The following ZNF525 variants were observed in gnomAD, a reference collection of about 807,000 sequenced individuals.
The protein encoded by ZNF525 is zinc finger protein 525.
In ZNF525, 33 loss-of-function variants were observed where a neutral mutation model predicts 37.6. That is an observed-to-expected ratio of 0.88 (90% CI 0.67 to 1.17). ZNF525 has a LOEUF of 1.17. ZNF525 is among the 50% of genes most tolerant of loss of function. The probability of loss-of-function intolerance (pLI) is 0.00; values close to 1 mark genes in which losing one functional copy is unlikely to be tolerated. For synonymous variants in ZNF525, 170 were observed against 182.3 expected, an observed-to-expected ratio of 0.93 and a Z score of 0.54; for missense variants, 449 against 543.1, an observed-to-expected ratio of 0.83 and a Z score of 1.72.
chr19:53,377,494 C>T (rs962728739), intron 3 of ZNF525, among the ~76,000 whole-genome samples: 2 of 151,830 alleles, frequency 1.3e-5, no homozygotes, highest in South Asian at 4.2e-4. Flanking sequence ...TTTTTATTTA[C>T]CTTTACTGGA....
Position 53,386,529 on chromosome 19 carries a change from T to C in ZNF525, c.*4510T>C, listed in dbSNP as rs1204495849. The C allele has an allele frequency of 5.6e-6, 3 of 536,378 alleles. No homozygotes were observed. Among genetic ancestry groups the C allele is most frequent in the East Asian group, 6.9e-5 (2 of 29,148 alleles). 33.2% of individuals were successfully genotyped at this position (536,378 alleles called of 1,614,324 possible). A position where few individuals can be genotyped will look rare whatever the true frequency, so the allele number is the denominator to read the frequency against. ...ATATGTTTTTTCTCTGTAAATTTGT[T>C]ATAAACGCATTGGTTGGCTGTGTTC... is the stretch of plus-strand genomic sequence containing the variant. On this transcript the variant is annotated 3_prime_UTR_variant, in exon 4 of 4. Transcript: ENST00000474037.
intron 1 of ZNF525, among the ~76,000 whole-genome samples, chr19:53,366,523 CA>C (rs2085446103): frequency 7.7e-6 from 1 of 130,140 alleles, no homozygotes; most frequent in Non-Finnish European, 1.6e-5. Flanking sequence ...AGGGATTTGC[CA>C]AGAGACAGCA....
intron 1 of ZNF525, among the ~76,000 whole-genome samples, chr19:53,369,115 G>C (rs1297834187): frequency 1.3e-5 from 2 of 152,150 alleles, no homozygotes; most frequent in African/African-American, 4.8e-5. Flanking sequence ...CCTTGGTTTG[G>C]TTTAAAAGGG....
intron 1 of ZNF525, among the ~76,000 whole-genome samples, chr19:53,370,510 G>A (rs1294688190): frequency 1.3e-5 from 2 of 151,822 alleles, no homozygotes; most frequent in African/African-American, 2.4e-5. Context: ...AGCCCAGTGA[G>A]CCTCCCTGCA....
rs931029029 is a variant in ZNF525 at position 53,381,303 on chromosome 19, C to T, written c.724C>T (p.Gln242Ter). The change falls in exon 4 of 4, where the codon CAA becomes TAA. Residue 242 changes from glutamine (Q) to a stop codon, truncating the protein, a stop_gained. Coordinates refer to ENST00000474037, the MANE Select transcript of ZNF525 (RefSeq NM_001348156.2). LOFTEE classifies it high-confidence loss of function. ...TCAGATTATTCATCTAGGAGAGAAA[C>T]AATATAAATGTGATGTATGTGACAA... ...KHQIIHLGEK[Q>*]YKCDVCDKVF... 6.8e-7 allele frequency: 1 copy of T among 1,479,066 alleles called. No individual in the cohort carries two copies. The highest frequency in any genetic ancestry group is 9.5e-7 in the Non-Finnish European group (1 of 1,056,998). The allele number at this position is 1,479,066 out of a possible 1,614,324, so 91.6% of individuals were successfully genotyped here. A position where few individuals can be genotyped will look rare whatever the true frequency, so the allele number is the denominator to read the frequency against.
At chr19:53,368,041 T>G (rs897130081) in intron 1 of ZNF525, among the ~76,000 whole-genome samples, 1 of 145,960 alleles carries the variant, frequency 6.9e-6, no homozygotes, top group Non-Finnish European at 1.5e-5. Flanking sequence ...TGTCTATATC[T>G]CTTTTGTTTT....
chr19:53,371,862 T>A (rs773039380), intron 1 of ZNF525, among the ~76,000 whole-genome samples: 3 of 152,154 alleles, frequency 2.0e-5, no homozygotes, highest in Non-Finnish European at 4.4e-5. Flanking sequence ...TTGCCTAGGC[T>A]GGTCTCAAAC....
rs987808761 is a variant in ZNF525, at chr19:53,386,343, C to T, written c.*4324C>T. Reference sequence around the variant, plus strand: ...TCAAAACTGGTAATAAAATCAGGTACGACTCCAAAAGGAGACATTGGAGAA... The same window carrying T: ...TCAAAACTGGTAATAAAATCAGGTATGACTCCAAAAGGAGACATTGGAGAA... On this transcript the variant is annotated 3_prime_UTR_variant, in exon 4 of 4. Transcript: ENST00000474037. The T allele has an allele frequency of 3.0e-5, 24 of 797,206 alleles. No individual in the cohort carries two copies. Among genetic ancestry groups the T allele is most frequent in the South Asian group, 2.3e-4 (17 of 75,406 alleles). 49.4% of individuals were successfully genotyped at this position (797,206 alleles called of 1,614,324 possible). A position where few individuals can be genotyped will look rare whatever the true frequency, so the allele number is the denominator to read the frequency against.
At chr19:53,370,760 C>A (rs985367775) in intron 1 of ZNF525, among the ~76,000 whole-genome samples, 3 of 152,190 alleles carry the variant, frequency 2.0e-5, no homozygotes, top group Admixed American at 6.5e-5. Context: ...TCTTCGGGGC[C>A]TTTCTCTGTA....
chr19:53,370,419 A>G (rs1189323893), intron 1 of ZNF525, among the ~76,000 whole-genome samples: 2 of 150,348 alleles, frequency 1.3e-5, no homozygotes, highest in Non-Finnish European at 1.5e-5. Flanking sequence ...ATGTCAAAAA[A>G]AAAAAAAAAA....
chr19:53,380,695 G>A (rs2085552812), intron 3 of ZNF525, 27 bp from the exon 4 acceptor site: 1 of 990,230 alleles, frequency 1.0e-6, no homozygotes, highest in East Asian at 2.4e-5. Context: ...TGTCTTTTGT[G>A]TACCTATTAG....
At chr19:53,369,757 C>T (rs1404796083) in intron 1 of ZNF525, among the ~76,000 whole-genome samples, 1 of 106,122 alleles carries the variant, frequency 9.4e-6, no homozygotes, top group East Asian at 2.8e-4. Context: ...GACGGAGTCT[C>T]GCTGTCACCC....
chr19:53,381,189 C>A lies in ZNF525; in HGVS notation c.610C>A (p.Gln204Lys). The change falls in exon 4 of 4, where the codon CAA becomes AAA. Residue 204 changes from glutamine to lysine, a missense_variant. By Grantham distance (53) the Gln-to-Lys change is moderately conservative. Transcript: ENST00000474037. ...DNFLNYSLLT[Q>K]RQEVRMREKS... ...TTTTCTGAATTATTCATTACTCACA[C>A]AAAGACAGGAAGTACGCATGAGAGA... is the stretch of plus-strand genomic sequence containing the variant. The A allele has an allele frequency of 7.4e-7, 1 of 1,354,352 alleles. No homozygotes were observed. Among genetic ancestry groups the A allele is most frequent in the Non-Finnish European group, 1.1e-6 (1 of 943,314 alleles). The allele number at this position is 1,354,352 out of a possible 1,614,324, so 83.9% of individuals were successfully genotyped here.
rs181612654 is a variant in ZNF525, at chr19:53,382,875, G to T, written c.*856G>T. 2.2e-6 allele frequency: 3 copies of T among 1,383,076 alleles called. No individual in the cohort carries two copies. Among genetic ancestry groups the T allele is most frequent in the East Asian group, 2.4e-5 (1 of 42,538 alleles). The allele number at this position is 1,383,076 out of a possible 1,614,324, so 85.7% of individuals were successfully genotyped here. ...AAATCAAACCTTGAAAGTCATAGGA[G>T]AATTCATACTAGAGAGAAACCTTAC... On this transcript the variant is annotated 3_prime_UTR_variant, in exon 4 of 4. Coordinates refer to ENST00000474037, the MANE Select transcript of ZNF525 (RefSeq NM_001348156.2).
At chr19:53,370,248 T>G (rs947576972) in intron 1 of ZNF525, among the ~76,000 whole-genome samples, 2 of 150,200 alleles carry the variant, frequency 1.3e-5, no homozygotes, top group Non-Finnish European at 3.0e-5. Context: ...GTGAAACCCC[T>G]TCTCTACTAA....
intron 1 of ZNF525, among the ~76,000 whole-genome samples, chr19:53,368,773 T>C (rs1181350479): frequency 6.6e-6 from 1 of 152,158 alleles, no homozygotes; most frequent in Non-Finnish European, 1.5e-5. Flanking sequence ...TAGGTGTGTG[T>C]GGAGACATGA....
In ZNF525 at chr19:53,383,015, C is replaced by T. The variant is rs185512444; in HGVS notation, c.*996C>T. On this transcript the variant is annotated 3_prime_UTR_variant, in exon 4 of 4. Transcript: ENST00000474037. ...TAATGAATGTGGCAAGGTTTTTAAT[C>T]GCAAAGCAAAGCTTGCATGTCATCA... 6.0e-4 allele frequency: 892 copies of T among 1,493,216 alleles called. 3 individuals are homozygous for T. The African/African-American group carries it at 0.011, about 18-fold the overall frequency. 92.5% of individuals were successfully genotyped at this position (1,493,216 alleles called of 1,614,324 possible).
chr19:53,368,171 C>T (rs1400509759), intron 1 of ZNF525, among the ~76,000 whole-genome samples: 1 of 152,104 alleles, frequency 6.6e-6, no homozygotes, highest in Non-Finnish European at 1.5e-5. Context: ...TGGCTGGCAA[C>T]TGTCAGTAGG....
intron 1 of ZNF525, among the ~76,000 whole-genome samples, chr19:53,367,064 C>T (rs2085453308): frequency 6.6e-6 from 1 of 152,058 alleles, no homozygotes. Flanking sequence ...TAACTTGTGT[C>T]CTTCCATAGC....
Sources: allele counts gnomAD v4.1 joint callset (sites outside exome capture counted in the v4.1 genomes callset), GRCh38; gene constraint gnomAD v4.1.1; transcripts MANE v1.5; gene names NCBI Gene and HGNC (gene_info 2026-07-23, HGNC 2026-07-21).